Variants in BRCA1 observed in about 807,000 individuals in gnomAD.
The protein encoded by BRCA1 is BRCA1 DNA repair associated.
A neutral mutation model predicts 173.7 loss-of-function variants in BRCA1; 140 were observed. The ratio of observed to expected loss-of-function variants is 0.81; its 90% CI spans 0.70 to 0.93. The LOEUF is 0.93. BRCA1 is among the 40% of genes least tolerant of loss of function. The pLI, the probability that BRCA1 is intolerant of heterozygous loss-of-function variation, is 0.00. For synonymous variants in BRCA1, 662 were observed against 756.0 expected, an observed-to-expected ratio of 0.88 and a Z score of 2.04; for missense variants, 1,983 against 2,172.5, an observed-to-expected ratio of 0.91 and a Z score of 1.73.
At chr17:43,125,050 C>A (rs191784032) in intron 1 of BRCA1, 1 of 427,886 alleles carries the variant, frequency 2.3e-6, no homozygotes, top group African/African-American at 2.0e-5. Context: ...CACGAGGATT[C>A]CCCCACGGAC....
intron 14 of BRCA1, among the ~76,000 whole-genome samples, chr17:43,072,677 G>A (rs1243865535): frequency 1.3e-5 from 2 of 149,928 alleles, no homozygotes; most frequent in East Asian, 4.0e-4. Flanking sequence ...CGATTCTCCT[G>A]CCTCAGCCTC....
At chr17:43,169,028 A>G (rs1284033233) in intron 1 of BRCA1, among the ~76,000 whole-genome samples, 1 of 151,974 alleles carries the variant, frequency 6.6e-6, no homozygotes, top group Admixed American at 6.6e-5. Flanking sequence ...ACGCTCCTCT[A>G]CTTCCCTCTT....
intron 6 of BRCA1, among the ~76,000 whole-genome samples, chr17:43,102,587 C>T (rs1016258117): frequency 6.6e-6 from 1 of 151,398 alleles, no homozygotes; most frequent in African/African-American, 2.4e-5. Flanking sequence ...AATCTCCTGA[C>T]CTCATGATCC....
rs1457837022 is a variant in BRCA1, at chr17:43,101,989, ACTCT to A, written c.442-2113_442-2110del. On this transcript the variant is annotated intron_variant, in intron 6 of 22. Coordinates refer to ENST00000357654, the MANE Select transcript of BRCA1 (RefSeq NM_007294.4). ...CAGTCATAGCTCAACTGCAGCCTTG[ACTCT>A]CTATGTTAAAGCAATGCTCCAGCCT... 2.6e-5 allele frequency among the ~76,000 whole-genome samples: 4 copies of A among 151,196 alleles called. No individual in the cohort carries two copies. The South Asian group carries it at 8.4e-4, about 32-fold the overall frequency.
At chr17:43,153,269 T>C (rs1051221385) in intron 1 of BRCA1, among the ~76,000 whole-genome samples, 13 of 152,144 alleles carry the variant, frequency 8.5e-5, no homozygotes, top group Non-Finnish European at 2.9e-5. Context: ...CTCAGTTGTA[T>C]GTAAGAAAAC....
At position 43,045,748 on chromosome 17, in the gene BRCA1, C is replaced by T. The variant is rs80357368; in HGVS notation, c.5522G>A (p.Ser1841Asn). The change falls in exon 23 of 23, where the codon AGT becomes AAT. Residue 1841 changes from serine (S) to asparagine (N), a missense_variant. Transcript: ENST00000357654. ...CTCCTGGCACTGGTAGAGTGCTACACTGTCCAACACCCACTCTCGGGTCAC... is the reference window on the plus strand; with the variant it reads ...CTCCTGGCACTGGTAGAGTGCTACATTGTCCAACACCCACTCTCGGGTCAC... ...PVVTREWVLD[S>N]VALYQCQELD... is the part of the protein sequence containing the mutation. 6.2e-7 allele frequency: 1 copy of T among 1,614,094 alleles called. No homozygotes were observed. The highest frequency in any genetic ancestry group is 1.1e-5 in the South Asian group (1 of 91,076).
chr17:43,151,544 G>A (rs997873000), intron 1 of BRCA1, among the ~76,000 whole-genome samples: 2 of 152,110 alleles, frequency 1.3e-5, no homozygotes, highest in African/African-American at 4.8e-5. Context: ...TTCCAGAAAT[G>A]TTCCTATTAT....
rs587776484 is a variant in BRCA1, at chr17:43,092,841, G to A, written c.2690C>T (p.Pro897Leu). The A allele has an allele frequency of 1.9e-6, 3 of 1,613,750 alleles. No homozygotes were observed. Among genetic ancestry groups the A allele is most frequent in the Non-Finnish European group, 2.5e-6 (3 of 1,179,974 alleles). ...TTGTTCACATTCAAAAGTGACTTTT[G>A]GACTTTGTTTCTTTAAGGACCCAGA... Reference protein sequence around the residue: ...AHSGSLKKQSPKVTFECEQKE... With the variant: ...AHSGSLKKQSLKVTFECEQKE... Residue 897 changes from proline (P) to leucine (L), a missense_variant, in exon 10 of 23, where the codon CCA becomes CTA. By Grantham distance (98) the Pro-to-Leu change is moderately conservative. Transcript: ENST00000357654.
At position 43,070,953 on chromosome 17, in the gene BRCA1, A is replaced by G. The variant is rs1408104448; in HGVS notation, c.4961T>C (p.Val1654Ala). 2 of 1,614,220 alleles carry G rather than the reference A, an allele frequency of 1.2e-6. No individual in the cohort carries two copies. The highest frequency in any genetic ancestry group is 2.2e-5 in the South Asian group (2 of 91,084). Residue 1654 changes from valine (V) to alanine (A), a missense_variant, in exon 15 of 23, where the codon GTG becomes GCG. Val to Ala is a moderately conservative substitution (Grantham distance 64, BLOSUM62 0). Coordinates refer to ENST00000357654, the MANE Select transcript of BRCA1 (RefSeq NM_007294.4). ...AAATTCTTCTGGGGTCAGGCCAGAC[A>G]CCACCATGGACATTCTTTTGTTGAC... ...ERVNKRMSMVVSGLTPEEFML... is the reference protein window; with the variant it reads ...ERVNKRMSMVASGLTPEEFML...
intron 18 of BRCA1, among the ~76,000 whole-genome samples, chr17:43,058,380 A>G (rs900163547): frequency 6.7e-6 from 1 of 149,182 alleles, no homozygotes; most frequent in Non-Finnish European, 1.5e-5. Context: ...CTAAAAAAAA[A>G]CACACACACA....
At chr17:43,136,977 C>G (rs533695421) in intron 1 of BRCA1, among the ~76,000 whole-genome samples, 3 of 152,220 alleles carry the variant, frequency 2.0e-5, no homozygotes, top group African/African-American at 7.2e-5. Flanking sequence ...AAGACAAATG[C>G]ACACGTATGT....
intron 5 of BRCA1, 64 bp downstream of exon 5, chr17:43,104,804 T>C (rs1433828217): frequency 7.1e-7 from 1 of 1,404,488 alleles, no homozygotes; most frequent in African/African-American, 1.4e-5. Context: ...AAAGTAATTG[T>C]GCAAACTTCC....
rs80358108 is a variant in BRCA1, at chr17:43,094,862, T to G, written c.671-2A>C. 1 of 1,606,808 alleles carries G rather than the reference T, an allele frequency of 6.2e-7. No homozygotes were observed. The highest frequency in any genetic ancestry group is 1.3e-5 in the African/African-American group (1 of 74,788). ...CCGTCTCAGAAAATTCACAAGCAGC[T>G]GAAAATATACAAAAATAACAAGGTA... On this transcript the variant is annotated splice_acceptor_variant, in intron 9 of 22. Transcript: ENST00000357654. LOFTEE classifies it high-confidence loss of function.
At chr17:43,058,450 C>T (rs1303044444) in intron 18 of BRCA1, among the ~76,000 whole-genome samples, 4 of 151,950 alleles carry the variant, frequency 2.6e-5, no homozygotes, top group Non-Finnish European at 5.9e-5. Flanking sequence ...GAGATTTGAC[C>T]AAAAGCAAGT....
At chr17:43,149,538 GACTAA>G (rs757952657) in intron 1 of BRCA1, among the ~76,000 whole-genome samples, 4 of 151,870 alleles carry the variant, frequency 2.6e-5, no homozygotes, top group African/African-American at 4.8e-5. Flanking sequence ...CCCAGCCTCA[GACTAA>G]ACTATAATAA....
At position 43,044,959 on chromosome 17, in the gene BRCA1, A is replaced by G. The variant is rs2050813403; in HGVS notation, c.*719T>C. On this transcript the variant is annotated 3_prime_UTR_variant, in exon 23 of 23. Coordinates refer to ENST00000357654, the MANE Select transcript of BRCA1 (RefSeq NM_007294.4). ...GCTGGGATTACAGGTGTCCACCACC[A>G]TGACCGGCTAATTTCTGTATTTTTA... The G allele has an allele frequency of 2.1e-6, 1 of 479,900 alleles. No individual in the cohort carries two copies. The highest frequency in any genetic ancestry group is 4.1e-6 in the Non-Finnish European group (1 of 243,580). The allele number at this position is 479,900 out of a possible 1,614,324, so 29.7% of individuals were successfully genotyped here.
At chr17:43,106,696 T>C (rs2054807366) in intron 3 of BRCA1, among the ~76,000 whole-genome samples, 163 bp from the exon 4 acceptor site, 1 of 152,220 alleles carries the variant, frequency 6.6e-6, no homozygotes, top group Admixed American at 6.5e-5. Context: ...CTAATTGTTT[T>C]TGGATGCTGC....
At chr17:43,150,426 C>A (rs1422972774) in intron 1 of BRCA1, among the ~76,000 whole-genome samples, 1 of 152,154 alleles carries the variant, frequency 6.6e-6, no homozygotes, top group Non-Finnish European at 1.5e-5. Flanking sequence ...ACTCACTTAC[C>A]TCTGCAGATT....
chr17:43,057,202 C>A (rs2051538135), intron 18 of BRCA1, 67 bp from the exon 19 acceptor site: 17 of 1,493,538 alleles, frequency 1.1e-5, no homozygotes, highest in Non-Finnish European at 1.6e-5. Flanking sequence ...GGAAGTGGAG[C>A]AGACACGTCA....
Sources: gnomAD v4.1 joint callset for allele counts (sites outside exome capture counted in the v4.1 genomes callset) on GRCh38, gnomAD v4.1.1 for gene constraint, MANE v1.5 for transcripts, NCBI Gene and HGNC (gene_info 2026-07-23, HGNC 2026-07-21) for gene names.